STPG4: variants seen among roughly 807,000 people sequenced by gnomAD.
STPG4 encodes the protein protein STPG4.
In STPG4, 41 loss-of-function variants were observed where a neutral mutation model predicts 31.5. That is an observed-to-expected ratio of 1.30 (90% CI 1.01 to 1.69). The LOEUF is 1.69. Ranked by LOEUF, STPG4 falls within the 40% of genes most tolerant of loss-of-function variation. STPG4 has a pLI of 0.00. For missense variants in STPG4, 375 were observed against 293.4 expected (o/e 1.28, Z -2.03); for synonymous variants, 141 against 103.0 (o/e 1.37, Z -2.24).
chr2:47,097,321 A>G (rs1685693527), intron 5 of STPG4, among the ~76,000 whole-genome samples: 1 of 152,306 alleles, frequency 6.6e-6, no homozygotes, highest in African/African-American at 2.4e-5. Context: ...TTCCCCAGAA[A>G]GCGCACACGT....
At chr2:47,118,357 T>C (rs1056918881) in intron 5 of STPG4, among the ~76,000 whole-genome samples, 4 of 152,130 alleles carry the variant, frequency 2.6e-5, no homozygotes, top group African/African-American at 7.2e-5. Flanking sequence ...TCTGTCACTG[T>C]CTCCCATCAC....
At chr2:47,099,876 G>A (rs1685754376) in intron 5 of STPG4, among the ~76,000 whole-genome samples, 1 of 152,212 alleles carries the variant, frequency 6.6e-6, no homozygotes, top group South Asian at 2.1e-4. Context: ...TAGCACCCAG[G>A]CCAGCAGCTG....
chr2:47,147,918 G>GCA (rs753624830), intron 3 of STPG4, among the ~76,000 whole-genome samples: 8 of 150,590 alleles, frequency 5.3e-5, no homozygotes, highest in East Asian at 1.9e-4. Context: ...GTATATGCAT[G>GCA]CACACACACA....
At chr2:47,150,541 C>T (rs1303245531) in intron 3 of STPG4, among the ~76,000 whole-genome samples, 2 of 151,594 alleles carry the variant, frequency 1.3e-5, no homozygotes, top group East Asian at 3.9e-4. Flanking sequence ...TTAGAGACAG[C>T]ATGTCACTCT....
chr2:47,098,217 G>A (rs952994169), intron 5 of STPG4, among the ~76,000 whole-genome samples: 4 of 152,194 alleles, frequency 2.6e-5, no homozygotes, highest in African/African-American at 9.6e-5. Context: ...GGGTTCACCA[G>A]GCAGCCTTCA....
intron 5 of STPG4, among the ~76,000 whole-genome samples, chr2:47,099,184 G>A (rs1230907690): frequency 1.3e-5 from 2 of 152,000 alleles, no homozygotes; most frequent in African/African-American, 4.8e-5. Flanking sequence ...AGGACGCCCA[G>A]GTAATTCAGA....
chr2:47,153,903 TCA>T (rs1686981625), intron 1 of STPG4, among the ~76,000 whole-genome samples: 2 of 152,248 alleles, frequency 1.3e-5, no homozygotes, highest in Non-Finnish European at 2.9e-5. Context: ...TTGGTATTCC[TCA>T]GTTTCCAAGG....
chr2:47,090,797 GT>G (rs2103723073), intron 5 of STPG4, among the ~76,000 whole-genome samples: 1 of 152,314 alleles, frequency 6.6e-6, no homozygotes, highest in Non-Finnish European at 1.5e-5. Context: ...TCATATAAAT[GT>G]CATATATGTT....
intron 5 of STPG4, among the ~76,000 whole-genome samples, chr2:47,097,937 G>A (rs1685707136): frequency 6.8e-6 from 1 of 147,242 alleles, no homozygotes; most frequent in South Asian, 2.2e-4. Flanking sequence ...GACCAACATG[G>A]TGAAACCCCA....
At chr2:47,147,234 G>T (rs539079624) in intron 3 of STPG4, among the ~76,000 whole-genome samples, 2 of 152,276 alleles carry the variant, frequency 1.3e-5, no homozygotes, top group Non-Finnish European at 2.9e-5. Context: ...GAAGAATTTA[G>T]CATGAGAGCA....
At chr2:47,122,386 T>C (rs987954391) in intron 5 of STPG4, among the ~76,000 whole-genome samples, 4 of 152,178 alleles carry the variant, frequency 2.6e-5, no homozygotes, top group Non-Finnish European at 4.4e-5. Context: ...TTTCTTCCAT[T>C]GCTATTATCT....
Position 47,122,608 on chromosome 2 carries a change from TAAAAATCTTGTATTAATAA to T in STPG4, c.519+7314_519+7332del, listed in dbSNP as rs982864771. 3.3e-5 allele frequency among the ~76,000 whole-genome samples: 5 copies of T among 152,246 alleles called. No homozygotes were observed. In the East Asian group the frequency reaches 7.7e-4, roughly 23 times the overall value. On this transcript the variant is annotated intron_variant, in intron 5 of 6. Coordinates refer to ENST00000445927, the MANE Select transcript of STPG4 (RefSeq NM_001163561.2). ...CTTGTCATACCATCTTTATCAAATA[TAAAAATCTTGTATTAATAA>T]AAAAATCTTGTATTAATATATTCTA... is the stretch of plus-strand genomic sequence containing the variant.
intron 3 of STPG4, among the ~76,000 whole-genome samples, chr2:47,147,096 G>T (rs1180110644): frequency 6.6e-6 from 1 of 152,112 alleles, no homozygotes; most frequent in Non-Finnish European, 1.5e-5. Flanking sequence ...CTATGATTGT[G>T]CCACTGTACT....
intron 3 of STPG4, among the ~76,000 whole-genome samples, chr2:47,144,064 G>A (rs1158997652): frequency 6.6e-6 from 1 of 152,170 alleles, no homozygotes; most frequent in Non-Finnish European, 1.5e-5. Context: ...GACTGGCACA[G>A]TTTAAACTGA....
intron 5 of STPG4, among the ~76,000 whole-genome samples, chr2:47,097,953 TAAAAA>T (rs35729993): frequency 7.7e-6 from 1 of 130,082 alleles, no homozygotes; most frequent in African/African-American, 2.8e-5. Flanking sequence ...CCCCATCTCT[TAAAAA>T]AAAAAAAAAA....
intron 6 of STPG4, among the ~76,000 whole-genome samples, chr2:47,088,549 G>T (rs1046634203): frequency 6.6e-6 from 1 of 152,210 alleles, no homozygotes; most frequent in Non-Finnish European, 1.5e-5. Flanking sequence ...CCTCTAGGGG[G>T]CTATGAGGCT....
At chr2:47,111,182 A>G (rs1209377855) in intron 5 of STPG4, among the ~76,000 whole-genome samples, 1 of 152,210 alleles carries the variant, frequency 6.6e-6, no homozygotes, top group Non-Finnish European at 1.5e-5. Context: ...AAAAGCACTG[A>G]GTCTGTATAG....
At chr2:47,136,627 T>C (rs1366324051) in intron 3 of STPG4, among the ~76,000 whole-genome samples, 1 of 152,214 alleles carries the variant, frequency 6.6e-6, no homozygotes, top group Non-Finnish European at 1.5e-5. Flanking sequence ...ATAATCCTTC[T>C]ATCATCATGA....
intron 5 of STPG4, among the ~76,000 whole-genome samples, chr2:47,125,404 A>C (rs1038106582): frequency 1.3e-5 from 2 of 152,100 alleles, no homozygotes; most frequent in Non-Finnish European, 1.5e-5. Flanking sequence ...CTGGGTGAAA[A>C]AGCAAGACGC....
Sources: allele counts gnomAD v4.1 joint callset (sites outside exome capture counted in the v4.1 genomes callset), GRCh38; gene constraint gnomAD v4.1.1; transcripts MANE v1.5; gene names NCBI Gene and HGNC (gene_info 2026-07-23, HGNC 2026-07-21).